Variants in FAM47E observed in about 807,000 individuals in gnomAD.
The protein encoded by FAM47E is protein FAM47E.
A neutral mutation model predicts 41.6 loss-of-function variants in FAM47E; 32 were observed. The ratio of observed to expected loss-of-function variants is 0.77; its 90% CI spans 0.58 to 1.03. FAM47E has a LOEUF of 1.03. Ranked by LOEUF, FAM47E falls within the 50% of genes least tolerant of loss-of-function variation. FAM47E has a pLI of 0.00. For synonymous variants in FAM47E, 184 were observed against 188.7 expected, an observed-to-expected ratio of 0.98 and a Z score of 0.20; for missense variants, 424 against 485.4, an observed-to-expected ratio of 0.87 and a Z score of 1.19.
intron 1 of FAM47E, among the ~76,000 whole-genome samples, chr4:76,253,369 T>A (rs935420560): frequency 5.3e-5 from 8 of 152,226 alleles, no homozygotes; most frequent in Admixed American, 3.9e-4. Context: ...GAGAACATAC[T>A]TTTTCATTTC....
At chr4:76,224,739 T>C (rs76051648) in intron 2 of FAM47E, among the ~76,000 whole-genome samples, 8,063 of 152,112 alleles carry the variant, frequency 0.053, 250 homozygotes, top group Middle Eastern at 0.088. Flanking sequence ...ATTTTTGTTA[T>C]TTTATTTTAT....
intron 3 of FAM47E, among the ~76,000 whole-genome samples, chr4:76,264,211 G>A (rs1379353786): frequency 6.6e-6 from 1 of 152,016 alleles, no homozygotes; most frequent in African/African-American, 2.4e-5. Flanking sequence ...TACTTTTGGG[G>A]TATCATCCTT....
chr4:76,247,532 G>A (rs1470015868), upstream of FAM47E, among the ~76,000 whole-genome samples: 1 of 152,130 alleles, frequency 6.6e-6, no homozygotes, highest in Non-Finnish European at 1.5e-5. Context: ...CACAGCAATT[G>A]CAAGATATTA....
At chr4:76,269,196 G>A (rs961449678) in intron 4 of FAM47E, 26 of 166,786 alleles carry the variant, frequency 1.6e-4, no homozygotes, top group Admixed American at 1.4e-3. Flanking sequence ...CATGCCAGGT[G>A]CAGTGGCTCA....
intron 3 of FAM47E, among the ~76,000 whole-genome samples, chr4:76,264,783 G>A (rs1734559413): frequency 6.6e-6 from 1 of 152,116 alleles, no homozygotes; most frequent in South Asian, 2.1e-4. Context: ...TTTGGTAGAG[G>A]CAAAGTTTCG....
chr4:76,219,255 C>T (rs1374359703), intron 2 of FAM47E, among the ~76,000 whole-genome samples: 2 of 152,246 alleles, frequency 1.3e-5, no homozygotes, highest in Non-Finnish European at 2.9e-5. Context: ...GACAATGCCT[C>T]TGCCTGAACC....
intron 7 of FAM47E, 198 bp from the exon 8 acceptor site, chr4:76,283,183 G>C (rs1022096221): frequency 7.0e-6 from 3 of 430,490 alleles, no homozygotes; most frequent in Admixed American, 3.7e-5. Context: ...TTCCATCTGA[G>C]TGTTTCTGAT....
At chr4:76,261,265 A>G (rs1343166686) in intron 2 of FAM47E, among the ~76,000 whole-genome samples, 1 of 152,218 alleles carries the variant, frequency 6.6e-6, no homozygotes, top group East Asian at 1.9e-4. Flanking sequence ...AACAAGATGG[A>G]GATTTCTCAA....
chr4:76,282,953 C>G (rs2110032629), intron 7 of FAM47E: 1 of 155,486 alleles, frequency 6.4e-6, no homozygotes, highest in East Asian at 1.9e-4. Context: ...AACATTCATT[C>G]TTTTTTTTAA....
Position 76,283,584 on chromosome 4 carries a change from G to A in FAM47E, c.*126G>A. ...ACTGTGGATGTTCAACTTTGACTTG[G>A]CAACATCTGTAAATGTAATACCTGA... On this transcript the variant is annotated 3_prime_UTR_variant, in exon 8 of 8. Transcript: ENST00000424749. 1 of 612,672 alleles carries A rather than the reference G, an allele frequency of 1.6e-6. No individual in the cohort carries two copies. The highest frequency in any genetic ancestry group is 2.0e-5 in the South Asian group (1 of 48,860). 38.0% of individuals were successfully genotyped at this position (612,672 alleles called of 1,614,324 possible).
Position 76,225,339 on chromosome 4 carries a change from G to A in FAM47E, c.81+7651G>A, listed in dbSNP as rs190664217. 3.5e-3 allele frequency among the ~76,000 whole-genome samples: 534 copies of A among 152,274 alleles called. 4 individuals carry two copies. The highest frequency in any genetic ancestry group is 0.012 in the African/African-American group (508 of 41,556). On this transcript the variant is annotated intron_variant, in intron 2 of 7. Coordinates refer to the FAM47E transcript ENST00000510197. ...CTAGGTATATGATCATATCATCAGCGAACAGTGACAGTTTGACTTCTTTAC... is the reference window on the plus strand; with the variant it reads ...CTAGGTATATGATCATATCATCAGCAAACAGTGACAGTTTGACTTCTTTAC...
At chr4:76,218,822 T>C (rs181614765) in intron 2 of FAM47E, among the ~76,000 whole-genome samples, 1 of 152,166 alleles carries the variant, frequency 6.6e-6, no homozygotes, top group East Asian at 1.9e-4. Flanking sequence ...AGGAGAAAAA[T>C]ATAGTGGGCA....
In FAM47E at chr4:76,237,043, CTGT is replaced by C. The variant is rs1578758028; in HGVS notation, c.81+19356_81+19358del. 2.0e-5 allele frequency among the ~76,000 whole-genome samples: 3 copies of C among 151,804 alleles called. No homozygotes were observed. The East Asian group carries it at 5.8e-4, about 29-fold the overall frequency. The stretch of plus-strand genomic sequence containing the variant: ...CCTGAGTAGCTGGGACTACAGGCGC[CTGT>C]CACCACGCCCGGCTAATTTTTTGTA... On this transcript the variant is annotated intron_variant, in intron 2 of 7. Transcript: ENST00000510197.
intron 2 of FAM47E, among the ~76,000 whole-genome samples, chr4:76,237,815 A>G (rs550332041): frequency 6.6e-6 from 1 of 152,298 alleles, no homozygotes; most frequent in South Asian, 2.1e-4. Flanking sequence ...TTAAACAACT[A>G]GATCTCACAA....
chr4:76,268,691 C>T lies in FAM47E; in HGVS notation c.592C>T (p.Gln198Ter). 1 of 1,551,336 alleles carries T rather than the reference C, an allele frequency of 6.4e-7. No individual in the cohort carries two copies. The highest frequency in any genetic ancestry group is 8.7e-7 in the Non-Finnish European group (1 of 1,146,874). The part of the protein sequence containing the change: ...SKKTSVSNAG[Q>*]WLYEEKPHKM... ...GAAGACGTCTGTGTCAAACGCAGGCCAATGGCTTTATGAAGAAAAGCCACA... is the reference window on the plus strand; with the variant it reads ...GAAGACGTCTGTGTCAAACGCAGGCTAATGGCTTTATGAAGAAAAGCCACA... Residue 198 changes from glutamine (Q) to a stop codon, truncating the protein, a stop_gained, in exon 4 of 8, where the codon CAA becomes TAA. Transcript: ENST00000424749. LOFTEE classifies it high-confidence loss of function.
At chr4:76,272,769 C>G (rs895604803) in intron 5 of FAM47E, among the ~76,000 whole-genome samples, 1 of 152,248 alleles carries the variant, frequency 6.6e-6, no homozygotes, top group South Asian at 2.1e-4. Flanking sequence ...GCTCAATTCC[C>G]TGTATTTAGA....
intron 1 of FAM47E, among the ~76,000 whole-genome samples, chr4:76,253,743 G>T (rs1336738929): frequency 9.2e-5 from 14 of 151,684 alleles, no homozygotes; most frequent in Admixed American, 9.2e-4. Context: ...GGCAGAGGTT[G>T]CAGTGAGCCA....
upstream of FAM47E, among the ~76,000 whole-genome samples, chr4:76,250,044 T>A (rs1425920986): frequency 6.6e-6 from 1 of 152,160 alleles, no homozygotes; most frequent in East Asian, 1.9e-4. Context: ...CTTTTTTGTA[T>A]AATGACTTTT....
upstream of FAM47E, chr4:76,251,689 G>T: frequency 7.1e-7 from 1 of 1,401,120 alleles, no homozygotes; most frequent in Non-Finnish European, 9.2e-7. Context: ...GCAACGGGGC[G>T]GCAGCAGGGC....
Sources: gnomAD v4.1 joint callset for allele counts (sites outside exome capture counted in the v4.1 genomes callset) on GRCh38, gnomAD v4.1.1 for gene constraint, MANE v1.5 for transcripts, NCBI Gene and HGNC (gene_info 2026-07-23, HGNC 2026-07-21) for gene names.